Variants in TEK observed in about 807,000 individuals in gnomAD.
The protein encoded by TEK is angiopoietin-1 receptor.
Under a neutral mutation model 131.8 loss-of-function variants are expected in TEK, and 43 were observed. That is an observed-to-expected ratio of 0.33 (90% CI 0.26 to 0.42). The LOEUF is 0.42. Ranked by LOEUF, TEK falls within the 10% of genes least tolerant of loss-of-function variation. TEK has a pLI of 1.00. For synonymous variants in TEK, 580 were observed against 491.6 expected (o/e 1.18, Z -2.38); for missense variants, 1,162 against 1,384.4 (o/e 0.84, Z 2.55).
intron 2 of TEK, among the ~76,000 whole-genome samples, chr9:27,158,927 G>A (rs1823443287): frequency 6.6e-6 from 1 of 152,178 alleles, no homozygotes; most frequent in Admixed American, 6.5e-5. Context: ...CCAAAGTGTT[G>A]GGATTACAGG....
chr9:27,211,175 A>G (rs945985995), intron 16 of TEK, among the ~76,000 whole-genome samples: 2 of 88,700 alleles, frequency 2.3e-5, no homozygotes, highest in Admixed American at 1.4e-4. Flanking sequence ...GTATGTGTAT[A>G]TATATATATG....
rs753357357 is a variant in TEK, at chr9:27,190,666, T to C, written c.1465T>C (p.Tyr489His). ...KKLLYKPVNH[Y>H]EAWQHIQVTN... ...GCTTCTATACAAACCCGTTAATCACTATGAGGCTTGGCAACATATTCAAGG... is the reference window on the plus strand; with the variant it reads ...GCTTCTATACAAACCCGTTAATCACCATGAGGCTTGGCAACATATTCAAGG... Residue 489 changes from tyrosine to histidine, a missense_variant, in exon 10 of 23, where the codon TAT becomes CAT. Coordinates refer to ENST00000380036, the MANE Select transcript of TEK (RefSeq NM_000459.5). 8 of 1,613,826 alleles carry C rather than the reference T, an allele frequency of 5.0e-6. No individual in the cohort carries two copies. In the East Asian group the frequency reaches 8.9e-5, roughly 18 times the overall value.
At chr9:27,162,735 A>T (rs1455345275) in intron 2 of TEK, among the ~76,000 whole-genome samples, 2 of 150,006 alleles carry the variant, frequency 1.3e-5, no homozygotes, top group Non-Finnish European at 3.0e-5. Context: ...TTTTTTTTTT[A>T]GACGGAGTCT....
rs777261322 is a variant in TEK, at chr9:27,228,299, G to A, written c.3294G>A (p.Glu1098=). 1 of 1,611,428 alleles carries A rather than the reference G, an allele frequency of 6.2e-7. No homozygotes were observed. The highest frequency in any genetic ancestry group is 8.5e-7 in the Non-Finnish European group (1 of 1,177,918). Residue 1098 remains glutamate (E), a synonymous_variant, in exon 22 of 23, where the codon GAG becomes GAA. Transcript: ENST00000380036. Reference sequence around the variant, plus strand: ...TGTCCTTAAACAGAATGTTAGAGGAGCGAAAGGTAAGTATTAAAGTCAGGC... The same window carrying A: ...TGTCCTTAAACAGAATGTTAGAGGAACGAAAGGTAAGTATTAAAGTCAGGC... ...ILVSLNRMLE[E]RKTYVNTTLY...
chr9:27,109,570 G>A lies in TEK; in HGVS notation c.-21G>A, dbSNP rs571331918. 7.4e-6 allele frequency: 12 copies of A among 1,614,108 alleles called. No homozygotes were observed. The East Asian group carries it at 1.1e-4, about 15-fold the overall frequency. On this transcript the variant is annotated 5_prime_UTR_variant, in exon 1 of 23. It introduces an in-frame stop codon into an upstream open reading frame of the 5' UTR. Transcript: ENST00000380036. ...ACCTCATGCACATTTGTGGAAACTG[G>A]ATGGAGAGATTTGGGGAAGCATGGA...
chr9:27,117,321 A>G (rs1211814814), intron 1 of TEK, among the ~76,000 whole-genome samples: 2 of 151,928 alleles, frequency 1.3e-5, no homozygotes, highest in Non-Finnish European at 2.9e-5. Flanking sequence ...AGCTGGCTTC[A>G]CTCCTGGCTT....
At chr9:27,193,237 C>A (rs1289026876) in intron 11 of TEK, among the ~76,000 whole-genome samples, 1 of 152,164 alleles carries the variant, frequency 6.6e-6, no homozygotes, top group Non-Finnish European at 1.5e-5. Context: ...CCTCCCTTTT[C>A]TAAATCAGTG....
At chr9:27,123,596 C>A (rs1821881379) in intron 1 of TEK, among the ~76,000 whole-genome samples, 1 of 152,142 alleles carries the variant, frequency 6.6e-6, no homozygotes, top group Non-Finnish European at 1.5e-5. Context: ...TAACAGAATA[C>A]CAATTCTAGG....
chr9:27,155,254 C>T (rs1823288088), intron 1 of TEK, among the ~76,000 whole-genome samples: 1 of 152,132 alleles, frequency 6.6e-6, no homozygotes, highest in African/African-American at 2.4e-5. Context: ...GCTGTAATTC[C>T]ACTGTTAGGC....
At chr9:27,215,604 G>T (rs990153908) in intron 18 of TEK, among the ~76,000 whole-genome samples, 1 of 150,070 alleles carries the variant, frequency 6.7e-6, no homozygotes, top group African/African-American at 2.5e-5. Context: ...TTTTAATACT[G>T]GAAGTATTAC....
intron 1 of TEK, among the ~76,000 whole-genome samples, chr9:27,124,700 C>A (rs1200005114): frequency 6.6e-6 from 1 of 152,222 alleles, no homozygotes; most frequent in Non-Finnish European, 1.5e-5. Context: ...GTAAAATATG[C>A]AGCATGATAG....
Position 27,168,526 on chromosome 9 carries a change from T to C in TEK, c.396T>C (p.Thr132=). 6.2e-7 allele frequency: 1 copy of C among 1,613,966 alleles called. No individual in the cohort carries two copies. The highest frequency in any genetic ancestry group is 1.6e-4 in the Middle Eastern group (1 of 6,062). The stretch of plus-strand genomic sequence containing the variant: ...TCCTACCAGCTACTTTAACTATGAC[T>C]GTGGACAAGGGAGATAACGTGAACA... ...ASFLPATLTM[T]VDKGDNVNIS... Residue 132 remains threonine (T), a synonymous_variant, in exon 3 of 23, where the codon ACT becomes ACC. Coordinates refer to ENST00000380036, the MANE Select transcript of TEK (RefSeq NM_000459.5).
At chr9:27,158,271 C>A in intron 2 of TEK, 129 bp downstream of exon 2, 1 of 1,090,254 alleles carries the variant, frequency 9.2e-7, no homozygotes, top group Non-Finnish European at 1.4e-6. Context: ...TCTTGCCTGT[C>A]TCTTTCCATG....
chr9:27,128,582 C>T (rs1822086723), intron 1 of TEK, among the ~76,000 whole-genome samples: 2 of 152,188 alleles, frequency 1.3e-5, no homozygotes, highest in South Asian at 2.1e-4. Context: ...TGGCCATTTT[C>T]ACGATACCGA....
chr9:27,142,594 A>C (rs144801116), intron 1 of TEK, among the ~76,000 whole-genome samples: 162 of 152,340 alleles, frequency 1.1e-3, no homozygotes, highest in African/African-American at 3.7e-3. Context: ...CTGCTATTTT[A>C]GATTCATAGT....
chr9:27,111,588 G>GT (rs953964320), intron 1 of TEK, among the ~76,000 whole-genome samples: 6 of 149,996 alleles, frequency 4.0e-5, no homozygotes, highest in African/African-American at 1.5e-4. Flanking sequence ...TGACAGAGTT[G>GT]TTTACCCATA....
intron 1 of TEK, among the ~76,000 whole-genome samples, chr9:27,140,007 G>A (rs1288437699): frequency 6.6e-6 from 1 of 152,102 alleles, no homozygotes; most frequent in Admixed American, 6.5e-5. Context: ...CAGTAATTTA[G>A]CAATGAAAGG....
Position 27,185,552 on chromosome 9 carries a change from C to A in TEK, c.1250C>A (p.Pro417His), listed in dbSNP as rs1303503826. 1.2e-6 allele frequency: 2 copies of A among 1,613,768 alleles called. No homozygotes were observed. Among genetic ancestry groups the A allele is most frequent in the African/African-American group, 1.3e-5 (1 of 74,880 alleles). The change falls in exon 9 of 23, where the codon CCT becomes CAT. Residue 417 changes from proline (P) to histidine (H), a missense_variant. Pro to His is a moderately conservative substitution (Grantham distance 77). This residue lies in a region of TEK where 436 missense variants were observed against 539.1 expected (regional missense o/e 0.81). Coordinates refer to ENST00000380036, the MANE Select transcript of TEK (RefSeq NM_000459.5). ...AIFTIHRILPPDSGVWVCSVN... is the reference protein window; with the variant it reads ...AIFTIHRILPHDSGVWVCSVN... ...TTCACCATCCACCGGATCCTCCCCC[C>A]TGACTCAGGAGTTTGGGTCTGCAGT...
At chr9:27,185,733 G>T in intron 9 of TEK, 104 bp downstream of exon 9, 2 of 1,465,836 alleles carry the variant, frequency 1.4e-6, no homozygotes, top group South Asian at 2.4e-5. Flanking sequence ...TACCTTTGGG[G>T]TAATTTCCAG....
Sources: allele counts gnomAD v4.1 joint callset (sites outside exome capture counted in the v4.1 genomes callset), GRCh38; gene constraint gnomAD v4.1.1; regional missense constraint gnomAD v4.1.1; transcripts MANE v1.5; gene names NCBI Gene and HGNC (gene_info 2026-07-23, HGNC 2026-07-21).